Variants in PCDH12 observed in about 807,000 individuals in gnomAD.
The protein encoded by PCDH12 is protocadherin-12.
In PCDH12, 45 loss-of-function variants were observed where a neutral mutation model predicts 70.9. The observed-to-expected ratio is 0.63, with a 90% CI of 0.50 to 0.81. The LOEUF is 0.81. Ranked by LOEUF, PCDH12 falls within the 40% of genes least tolerant of loss-of-function variation. PCDH12 has a pLI of 0.00. For synonymous variants in PCDH12, 567 were observed against 626.0 expected (o/e 0.91, Z 1.41); for missense variants, 1,370 against 1,491.7 (o/e 0.92, Z 1.34).
Position 141,957,601 on chromosome 5 carries a change from C to G in PCDH12, c.251G>C (p.Gly84Ala), listed in dbSNP as rs200573476. The change falls in exon 1 of 4, where the codon GGC (glycine) becomes GCC (alanine). Residue 84 changes from glycine to alanine, a missense_variant. Gly to Ala is a moderately conservative substitution (Grantham distance 60). Coordinates refer to ENST00000231484, the MANE Select transcript of PCDH12 (RefSeq NM_016580.4). The surrounding 1 kb of genome is among the most constrained non-coding windows in gnomAD (Gnocchi z 4.3). Reference protein sequence around the residue: ...ALPIQVDSEEGLLSTGRRLDR... With the variant: ...ALPIQVDSEEALLSTGRRLDR... The stretch of plus-strand genomic sequence containing the variant: ...CAGCCGCCTGCCTGTGCTGAGCAAG[C>G]CTTCCTCAGAGTCCACCTGAATGGG... The G allele has an allele frequency of 1.6e-4, 257 of 1,614,210 alleles. No individual in the cohort carries two copies. The highest frequency in any genetic ancestry group is 1.9e-4 in the Non-Finnish European group (230 of 1,180,040).
Position 141,945,160 on chromosome 5 carries a change from C to T in PCDH12, c.*221G>A. 1 of 612,478 alleles carries T rather than the reference C, an allele frequency of 1.6e-6. No individual in the cohort carries two copies. The highest frequency in any genetic ancestry group is 2.9e-6 in the Non-Finnish European group (1 of 347,808). The allele number at this position is 612,478 out of a possible 1,614,324, so 37.9% of individuals were successfully genotyped here. A position where few individuals can be genotyped will look rare whatever the true frequency, so the allele number is the denominator to read the frequency against. On this transcript the variant is annotated 3_prime_UTR_variant, in exon 4 of 4. Coordinates refer to ENST00000231484, the MANE Select transcript of PCDH12 (RefSeq NM_016580.4). ...AGGAAACACTTATCTCAGCCACAAA[C>T]CGTCCCTGTCCTCCAAAAGACTCAG...
rs777261350 is a variant in PCDH12, at chr5:141,957,313, A to C, written c.539T>G (p.Phe180Cys). The C allele has an allele frequency of 6.2e-7, 1 of 1,613,346 alleles. No individual in the cohort carries two copies. Among genetic ancestry groups the C allele is most frequent in the South Asian group, 1.1e-5 (1 of 90,946 alleles). The part of the protein sequence containing the change: ...HTYTLSPSEH[F>C]ALDVIVGPDE... ...AGGGCCCACAATGACATCCAAGGCA[A>C]AGTGCTCACTGGGAGACAGAGTGTA... is the stretch of plus-strand genomic sequence containing the variant. Residue 180 changes from phenylalanine (F) to cysteine (C), a missense_variant, in exon 1 of 4, where the codon TTT (phenylalanine) becomes TGT (cysteine). Coordinates refer to ENST00000231484, the MANE Select transcript of PCDH12 (RefSeq NM_016580.4). This position sits in a 1 kb window ranked among gnomAD's most constrained non-coding sequence, Gnocchi z 4.3.
At chr5:141,950,380 A>G (rs992671057) in intron 2 of PCDH12, among the ~76,000 whole-genome samples, 2 of 152,166 alleles carry the variant, frequency 1.3e-5, no homozygotes, top group Non-Finnish European at 2.9e-5. Context: ...GCTGTGAAGA[A>G]ATGAGCAGGG....
chr5:141,947,117 T>C (rs1278399581), intron 3 of PCDH12, among the ~76,000 whole-genome samples: 1 of 152,236 alleles, frequency 6.6e-6, no homozygotes, highest in African/African-American at 2.4e-5. Flanking sequence ...TTTGAACAAG[T>C]TATTCCGAAG....
chr5:141,949,074 A>G (rs547548021), intron 3 of PCDH12, among the ~76,000 whole-genome samples: 2 of 150,654 alleles, frequency 1.3e-5, no homozygotes. Flanking sequence ...ATCAAAAATT[A>G]GCGGGATGTG....
rs755402370 is a variant in PCDH12, at chr5:141,956,877, C to T, written c.975G>A (p.Arg325=). 2.5e-6 allele frequency: 4 copies of T among 1,614,202 alleles called. No individual in the cohort carries two copies. The South Asian group carries it at 4.4e-5, about 18-fold the overall frequency. ...NPAYEVDVQA[R]DLGPNPIPAH... ...CTGGGATAGGATTGGGACCCAGGTCCCTTGCCTGAACATCCACCTCGTAGG... is the reference window on the plus strand; with the variant it reads ...CTGGGATAGGATTGGGACCCAGGTCTCTTGCCTGAACATCCACCTCGTAGG... The change falls in exon 1 of 4, where the codon AGG becomes AGA. Residue 325 remains arginine (R), a synonymous_variant. Transcript: ENST00000231484.
At chr5:141,946,737 C>A (rs1367037091) in intron 3 of PCDH12, among the ~76,000 whole-genome samples, 1 of 152,056 alleles carries the variant, frequency 6.6e-6, no homozygotes, top group Non-Finnish European at 1.5e-5. Flanking sequence ...GCTGGGAATT[C>A]AAAAAACTGG....
chr5:141,949,883 A>C (rs1357432538), intron 2 of PCDH12, among the ~76,000 whole-genome samples: 1 of 152,208 alleles, frequency 6.6e-6, no homozygotes, highest in Non-Finnish European at 1.5e-5. Flanking sequence ...CAGCAGACAG[A>C]AGTGAAGATG....
In PCDH12 at chr5:141,955,731, G is replaced by A. The variant is rs1168434177; in HGVS notation, c.2121C>T (p.Arg707=). 3 of 1,614,140 alleles carry A rather than the reference G, an allele frequency of 1.9e-6. No individual in the cohort carries two copies. In the African/African-American group the frequency reaches 4.0e-5, roughly 22 times the overall value. Residue 707 remains arginine, a synonymous_variant, in exon 1 of 4, where the codon CGC becomes CGT. Coordinates refer to ENST00000231484, the MANE Select transcript of PCDH12 (RefSeq NM_016580.4). This position sits in a 1 kb window ranked among gnomAD's most constrained non-coding sequence, Gnocchi z 5.5. ...TSVDHLRDSA[R]KPGALSMSML... Reference sequence around the variant, plus strand: ...TCGACATGCTCAAGGCCCCAGGCTTGCGGGCTGAGTCCCTCAGGTGGTCCA... The same window carrying A: ...TCGACATGCTCAAGGCCCCAGGCTTACGGGCTGAGTCCCTCAGGTGGTCCA...
At chr5:141,950,626 G>A (rs564372336) in intron 2 of PCDH12, among the ~76,000 whole-genome samples, 3 of 152,150 alleles carry the variant, frequency 2.0e-5, no homozygotes, top group African/African-American at 2.4e-5. Context: ...ATCCAGGCCA[G>A]TGTGACCCTG....
Position 141,943,887 on chromosome 5 carries a change from AATG to A in PCDH12, c.*1491_*1493del, listed in dbSNP as rs1257398940. The A allele has an allele frequency of 6.6e-6, 1 of 152,214 alleles. No homozygotes were observed. Among genetic ancestry groups the A allele is most frequent in the Non-Finnish European group, 1.5e-5 (1 of 68,038 alleles). 9.4% of individuals were successfully genotyped at this position (152,214 alleles called of 1,614,324 possible). On this transcript the variant is annotated 3_prime_UTR_variant, in exon 4 of 4. Coordinates refer to ENST00000231484, the MANE Select transcript of PCDH12 (RefSeq NM_016580.4). ...ATTTTCTTCATCTGTAAAATGGAAT[AATG>A]ATACCACACTGTATTCCAAGTATGT...
chr5:141,954,611 G>T (rs1443013541), intron 1 of PCDH12, among the ~76,000 whole-genome samples: 2 of 152,182 alleles, frequency 1.3e-5, no homozygotes, highest in Non-Finnish European at 2.9e-5. Flanking sequence ...CTTGCCCAAA[G>T]CTTATACTCT....
chr5:141,950,921 T>C (rs1002075575), intron 2 of PCDH12, among the ~76,000 whole-genome samples: 1 of 152,224 alleles, frequency 6.6e-6, no homozygotes, highest in Non-Finnish European at 1.5e-5. Context: ...GGATGGGTTC[T>C]GTTTTACAGA....
rs1171900443 is a variant in PCDH12 at position 141,945,629 on chromosome 5, T to A, written c.3307A>T (p.Thr1103Ser). 1 of 1,614,216 alleles carries A rather than the reference T, an allele frequency of 6.2e-7. No homozygotes were observed. The highest frequency in any genetic ancestry group is 1.7e-5 in the Admixed American group (1 of 60,034). The change falls in exon 4 of 4, where the codon ACG (threonine) becomes TCG (serine). Residue 1103 changes from threonine to serine, a missense_variant. Transcript: ENST00000231484. ...GAGACAAAGGTGCTGGCCAGCCTCG[T>A]GCCTGTTGGGCTCAGCTCTGGTGCC... is the stretch of plus-strand genomic sequence containing the variant. ...AEAPELSPTG[T>S]RLASTFVSEM...
rs1752872921 is a variant in PCDH12 at position 141,945,114 on chromosome 5, G to A, written c.*267C>T. On this transcript the variant is annotated 3_prime_UTR_variant, in exon 4 of 4. Transcript: ENST00000231484. ...TGTTCTGCCAGAGGACTGACCCTTTGTGCTCCACATATGTTTTGCCAGGAA... is the reference window on the plus strand; with the variant it reads ...TGTTCTGCCAGAGGACTGACCCTTTATGCTCCACATATGTTTTGCCAGGAA... The A allele has an allele frequency of 8.0e-6, 4 of 502,866 alleles. No individual in the cohort carries two copies. The highest frequency in any genetic ancestry group is 1.0e-3 in the Middle Eastern group (2 of 1,934). 31.2% of individuals were successfully genotyped at this position (502,866 alleles called of 1,614,324 possible).
intron 3 of PCDH12, among the ~76,000 whole-genome samples, chr5:141,949,115 T>C (rs1050684696): frequency 1.6e-4 from 25 of 151,734 alleles, no homozygotes; most frequent in Middle Eastern, 3.4e-3. Flanking sequence ...TCCCAGCTAC[T>C]TGGGAGGCTA....
In PCDH12 at chr5:141,957,747, T is replaced by C. The variant is rs774340463; in HGVS notation, c.105A>G (p.Gln35=). 1.8e-5 allele frequency: 29 copies of C among 1,613,056 alleles called. No homozygotes were observed. The highest frequency in any genetic ancestry group is 2.1e-5 in the Non-Finnish European group (25 of 1,180,028). The change falls in exon 1 of 4, where the codon CAA becomes CAG. Residue 35 remains glutamine (Q), a synonymous_variant. Transcript: ENST00000231484. This position sits in a 1 kb window ranked among gnomAD's most constrained non-coding sequence, Gnocchi z 4.3. ...QEVTTLTVKY[Q]VSEEVPSGTV... Reference sequence around the variant, plus strand: ...TACCAGATGGCACTTCCTCTGACACTTGGTATTTCACCGTGAGAGTGGTCA... The same window carrying C: ...TACCAGATGGCACTTCCTCTGACACCTGGTATTTCACCGTGAGAGTGGTCA...
At chr5:141,951,376 C>T in intron 2 of PCDH12, 117 bp downstream of exon 2, 1 of 753,168 alleles carries the variant, frequency 1.3e-6, no homozygotes, top group Non-Finnish European at 2.3e-6. Context: ...TCTGCTGCAC[C>T]CTCCCAGGGG....
intron 2 of PCDH12, among the ~76,000 whole-genome samples, chr5:141,950,479 C>T (rs140144975): frequency 3.4e-4 from 52 of 152,232 alleles, no homozygotes; most frequent in African/African-American, 9.6e-4. Flanking sequence ...GTCCATGCAC[C>T]GTCTTATTCA....
Sources: gnomAD v4.1 joint callset for allele counts (sites outside exome capture counted in the v4.1 genomes callset) on GRCh38, gnomAD v4.1.1 for gene constraint, Gnocchi (gnomAD v3.1) non-coding constraint, MANE v1.5 for transcripts, NCBI Gene and HGNC (gene_info 2026-07-23, HGNC 2026-07-21) for gene names.